FSTL5: variants seen among roughly 807,000 people sequenced by gnomAD.
The protein encoded by FSTL5 is follistatin like 5, also known as follistatin-related protein 5.
Under a neutral mutation model 89.1 loss-of-function variants are expected in FSTL5, and 62 were observed. That is an observed-to-expected ratio of 0.70 (90% CI 0.57 to 0.86). The LOEUF (loss-of-function observed/expected upper bound fraction) is 0.86, where lower values mean the gene tolerates loss of function less well. Among genes scored for constraint, FSTL5 ranks in the 40% least tolerant of loss-of-function variants. The probability of loss-of-function intolerance (pLI) is 0.00; values close to 1 mark genes in which losing one functional copy is unlikely to be tolerated. For missense variants in FSTL5, 1,057 were observed against 1,001.6 expected (o/e 1.06, Z -0.75); for synonymous variants, 383 against 346.2 (o/e 1.11, Z -1.18).
intron 3 of FSTL5, among the ~76,000 whole-genome samples, chr4:161,966,194 G>T (rs975059571): frequency 6.6e-6 from 1 of 152,120 alleles, no homozygotes; most frequent in African/African-American, 2.4e-5. Flanking sequence ...GAGCAAGTAA[G>T]TGAGGTTGTG....
At chr4:161,586,531 A>T (rs116642656) in intron 8 of FSTL5, among the ~76,000 whole-genome samples, 2,125 of 152,282 alleles carry the variant, frequency 0.014, 49 homozygotes, top group African/African-American at 0.047. Context: ...AAATGTGACC[A>T]CTTCTTTATA....
chr4:161,607,940 T>C (rs1437980988), intron 7 of FSTL5, among the ~76,000 whole-genome samples: 1 of 152,186 alleles, frequency 6.6e-6, no homozygotes, highest in African/African-American at 2.4e-5. Context: ...AGTGTTGTTG[T>C]TGCTTTTGTT....
chr4:162,057,833 A>AAC (rs1738596294), intron 2 of FSTL5, among the ~76,000 whole-genome samples: 1 of 152,056 alleles, frequency 6.6e-6, no homozygotes, highest in Non-Finnish European at 1.5e-5. Flanking sequence ...AGTCCCAGCT[A>AAC]TTTGGGAGGC....
chr4:161,757,366 GCA>G (rs151056476), intron 6 of FSTL5, among the ~76,000 whole-genome samples: 6,611 of 147,804 alleles, frequency 0.045, 186 homozygotes, highest in African/African-American at 0.08. Flanking sequence ...ACCGACATAT[GCA>G]CACACACACA....
intron 15 of FSTL5, among the ~76,000 whole-genome samples, chr4:161,450,292 T>G (rs529824730): frequency 6.6e-5 from 10 of 152,334 alleles, no homozygotes; most frequent in Admixed American, 2.6e-4. Context: ...AAATTCTAGT[T>G]GCACCTGCAC....
At chr4:161,988,330 G>T (rs1736022769) in intron 3 of FSTL5, among the ~76,000 whole-genome samples, 1 of 152,080 alleles carries the variant, frequency 6.6e-6, no homozygotes, top group Admixed American at 6.6e-5. Context: ...CAGAATAACT[G>T]AAAACAGAAA....
chr4:161,513,192 C>T (rs1252456578), intron 10 of FSTL5, among the ~76,000 whole-genome samples: 1 of 149,494 alleles, frequency 6.7e-6, no homozygotes, highest in Non-Finnish European at 1.5e-5. Flanking sequence ...AGAAAATTAA[C>T]CATGTGGTCC....
intron 2 of FSTL5, among the ~76,000 whole-genome samples, chr4:162,060,208 T>C (rs1015699488): frequency 5.9e-5 from 9 of 152,140 alleles, no homozygotes; most frequent in Non-Finnish European, 8.8e-5. Context: ...CATAATCTGA[T>C]ACAGAACTCT....
At chr4:161,833,562 C>G (rs2126863997) in intron 4 of FSTL5, among the ~76,000 whole-genome samples, 1 of 149,058 alleles carries the variant, frequency 6.7e-6, no homozygotes, top group African/African-American at 2.5e-5. Flanking sequence ...AATCTGGGTG[C>G]TCCTGTATTG....
intron 3 of FSTL5, among the ~76,000 whole-genome samples, chr4:161,937,756 T>A (rs539696659): frequency 2.6e-5 from 4 of 152,286 alleles, no homozygotes; most frequent in African/African-American, 9.6e-5. Context: ...TTTAGCATGC[T>A]CCTCAGCACT....
At chr4:161,516,023 C>T (rs62324308) in intron 10 of FSTL5, among the ~76,000 whole-genome samples, 26,661 of 150,728 alleles carry the variant, frequency 0.18, 2,622 homozygotes, top group East Asian at 0.37. Flanking sequence ...AATGCATGTG[C>T]GTGTGTGCAT....
chr4:161,583,991 C>G (rs575254253), intron 8 of FSTL5, among the ~76,000 whole-genome samples: 1 of 152,068 alleles, frequency 6.6e-6, no homozygotes, highest in Non-Finnish European at 1.5e-5. Context: ...AACTATTCCC[C>G]TACTTACTCA....
At chr4:161,391,390 T>C (rs1479819208) in intron 15 of FSTL5, among the ~76,000 whole-genome samples, 1 of 152,114 alleles carries the variant, frequency 6.6e-6, no homozygotes, top group Non-Finnish European at 1.5e-5. Context: ...ACATATAAGA[T>C]GCTATAATCA....
At chr4:162,112,774 A>ATC (rs1491338015) in intron 1 of FSTL5, among the ~76,000 whole-genome samples, 216 of 71,478 alleles carry the variant, frequency 3.0e-3, no homozygotes, top group Admixed American at 4.7e-3. Context: ...AACCGACACA[A>ATC]TCACACACAC....
At chr4:161,838,116 C>T (rs1026742363) in intron 4 of FSTL5, among the ~76,000 whole-genome samples, 1 of 151,964 alleles carries the variant, frequency 6.6e-6, no homozygotes, top group South Asian at 2.1e-4. Context: ...TAGATAATTA[C>T]TGAAGCAAAA....
chr4:162,153,057 A>AT (rs1733293354), intron 1 of FSTL5, among the ~76,000 whole-genome samples: 1 of 152,140 alleles, frequency 6.6e-6, no homozygotes, highest in Non-Finnish European at 1.5e-5. Flanking sequence ...ATTCAAGAGG[A>AT]TTTTAAGGTA....
chr4:161,559,425 C>T (rs893723368), intron 8 of FSTL5, among the ~76,000 whole-genome samples: 1 of 151,296 alleles, frequency 6.6e-6, no homozygotes, highest in Non-Finnish European at 1.5e-5. Flanking sequence ...TGTCCTTTAT[C>T]TCTTCATTCA....
chr4:161,420,557 T>C (rs948375661), intron 15 of FSTL5, among the ~76,000 whole-genome samples: 13 of 151,994 alleles, frequency 8.6e-5, no homozygotes, highest in East Asian at 7.7e-4. Flanking sequence ...TATATCACAG[T>C]ATTTGAGTTA....
intron 2 of FSTL5, among the ~76,000 whole-genome samples, chr4:162,042,407 A>C (rs973305194): frequency 6.6e-6 from 1 of 152,082 alleles, no homozygotes; most frequent in African/African-American, 2.4e-5. Context: ...TCCCAGTGTC[A>C]AAATGGACAT....
Sources: gnomAD v4.1 joint callset for allele counts (sites outside exome capture counted in the v4.1 genomes callset) on GRCh38, gnomAD v4.1.1 for gene constraint, MANE v1.5 for transcripts, NCBI Gene and HGNC (gene_info 2026-07-23, HGNC 2026-07-21) for gene names.